Variants in RORA observed in about 807,000 individuals in gnomAD.
RORA encodes the protein nuclear receptor ROR-alpha.
RORA carries 7 observed loss-of-function variants against 69.5 expected under a neutral mutation model. The observed-to-expected ratio is 0.10, with a 90% CI of 0.06 to 0.19. The LOEUF (loss-of-function observed/expected upper bound fraction) is 0.19. Among genes scored for constraint, RORA ranks in the 10% least tolerant of loss-of-function variants. The pLI is 1.00. For missense variants in RORA, 457 were observed against 663.0 expected (o/e 0.69, Z 3.41); for synonymous variants, 261 against 240.8 (o/e 1.08, Z -0.78).
chr15:60,931,714 C>T (rs1182308652), intron 1 of RORA, among the ~76,000 whole-genome samples: 5 of 152,196 alleles, frequency 3.3e-5, no homozygotes, highest in Non-Finnish European at 7.3e-5. Flanking sequence ...ACCTCATAAG[C>T]AAATGTAAGG....
intron 2 of RORA, among the ~76,000 whole-genome samples, chr15:60,542,569 G>A (rs1410802886): frequency 4.1e-5 from 4 of 96,448 alleles, no homozygotes; most frequent in Admixed American, 2.1e-4. Context: ...TCACACACAC[G>A]GCACGCATGC....
intron 3 of RORA, among the ~76,000 whole-genome samples, chr15:60,521,280 T>A (rs993662751): frequency 6.7e-6 from 1 of 150,170 alleles, no homozygotes; most frequent in African/African-American, 2.5e-5. Flanking sequence ...TCTTGGTCCG[T>A]CACCAGGCTG....
chr15:60,766,266 G>A (rs747865162), intron 1 of RORA, among the ~76,000 whole-genome samples: 7 of 152,088 alleles, frequency 4.6e-5, no homozygotes, highest in Non-Finnish European at 7.4e-5. Flanking sequence ...ACTTGAGATC[G>A]TCAAAAGGCA....
intron 1 of RORA, among the ~76,000 whole-genome samples, chr15:60,694,393 C>G (rs910614479): frequency 1.3e-5 from 2 of 152,220 alleles, no homozygotes; most frequent in African/African-American, 4.8e-5. Flanking sequence ...AATTCTGGCT[C>G]AAGAGCTCCC....
At chr15:60,794,835 C>T (rs1310738148) in intron 1 of RORA, among the ~76,000 whole-genome samples, 2 of 152,164 alleles carry the variant, frequency 1.3e-5, no homozygotes, top group Non-Finnish European at 2.9e-5. Flanking sequence ...CTCATGCGCC[C>T]ATATCCTAGG....
At chr15:60,753,597 G>A (rs2071757989) in intron 1 of RORA, among the ~76,000 whole-genome samples, 1 of 152,214 alleles carries the variant, frequency 6.6e-6, no homozygotes, top group Non-Finnish European at 1.5e-5. Flanking sequence ...TGAGGAAATT[G>A]AGCCCAGATG....
rs189348070 is a variant in RORA, at chr15:60,625,933, T to C, written c.196+52724A>G. Among the ~76,000 whole-genome samples, 5 of 152,336 alleles carry C rather than the reference T, an allele frequency of 3.3e-5. No individual in the cohort carries two copies. The East Asian group carries it at 9.6e-4, about 29-fold the overall frequency. On this transcript the variant is annotated intron_variant, in intron 2 of 10. Transcript: ENST00000335670. ...TGCTAATGGTGTATGAAACCACTGA[T>C]TAAACAACAAAGTGAAAATATGAGC... is the stretch of plus-strand genomic sequence containing the variant.
At chr15:60,921,809 C>T (rs1308370184) in intron 1 of RORA, among the ~76,000 whole-genome samples, 1 of 152,224 alleles carries the variant, frequency 6.6e-6, no homozygotes, top group East Asian at 1.9e-4. Context: ...AACAGGGCTG[C>T]TGTGAGGATC....
At chr15:60,848,281 T>C (rs1250013252) in intron 1 of RORA, 1 of 152,226 alleles carries the variant, frequency 6.6e-6, no homozygotes, top group Non-Finnish European at 1.5e-5. Context: ...CTACCTTACA[T>C]GGCAAAAGAG....
At chr15:60,701,225 T>A (rs900612071) in intron 1 of RORA, among the ~76,000 whole-genome samples, 2 of 152,224 alleles carry the variant, frequency 1.3e-5, no homozygotes, top group Non-Finnish European at 2.9e-5. Flanking sequence ...TGCCATTGTG[T>A]CTGGCACATA....
At chr15:60,502,935 G>T in intron 7 of RORA, 68 bp from the exon 8 acceptor site, 1 of 1,032,014 alleles carries the variant, frequency 9.7e-7, no homozygotes, top group Non-Finnish European at 1.5e-6. Flanking sequence ...TTTCTAAGCT[G>T]CTCATGTAGA....
chr15:60,889,744 C>T (rs2073793910), intron 1 of RORA, among the ~76,000 whole-genome samples: 1 of 152,192 alleles, frequency 6.6e-6, no homozygotes, highest in Non-Finnish European at 1.5e-5. Context: ...CAGAACAACA[C>T]AGTTTCCACC....
chr15:60,516,189 ATATATATTTATATATATATTT>A (rs1567052375), intron 3 of RORA, among the ~76,000 whole-genome samples: 2 of 16,950 alleles, frequency 1.2e-4, no homozygotes, highest in African/African-American at 6.2e-4. Context: ...ATATATTTAT[ATATATATTTATATATATATTT>A]ATATATATAT....
chr15:60,984,763 G>A (rs529856864), intron 1 of RORA, among the ~76,000 whole-genome samples: 1 of 148,938 alleles, frequency 6.7e-6, no homozygotes, highest in Non-Finnish European at 1.5e-5. Context: ...TGTCTGTGAC[G>A]TTTAATAATA....
At position 60,558,298 on chromosome 15, in the gene RORA, A is replaced by T. The variant is rs200399670; in HGVS notation, c.197-26447T>A. Reference sequence around the variant, plus strand: ...ATGGAGTATTTGGAGAATCCCAAAAAGTTCATCCCTGGAACGAAAATGATA... The same window carrying T: ...ATGGAGTATTTGGAGAATCCCAAAATGTTCATCCCTGGAACGAAAATGATA... On this transcript the variant is annotated intron_variant, in intron 2 of 10. Coordinates refer to ENST00000335670, the MANE Select transcript of RORA (RefSeq NM_134261.3). The T allele has an allele frequency of 2.2e-4, 351 of 1,611,968 alleles. 4 individuals are homozygous for T. The South Asian group carries it at 3.6e-3, about 17-fold the overall frequency.
chr15:60,503,129 A>G (rs922387350), intron 7 of RORA, among the ~76,000 whole-genome samples: 11 of 152,178 alleles, frequency 7.2e-5, no homozygotes, highest in African/African-American at 2.7e-4. Context: ...GCACTCTTCT[A>G]CCTCGCAATG....
chr15:61,155,881 C>T (rs554225589), intron 1 of RORA, among the ~76,000 whole-genome samples: 1 of 152,218 alleles, frequency 6.6e-6, no homozygotes, highest in African/African-American at 2.4e-5. Context: ...GGAAGGAGAC[C>T]CCGCGTTTCA....
intron 1 of RORA, among the ~76,000 whole-genome samples, chr15:60,707,511 C>G (rs1299520274): frequency 1.3e-5 from 2 of 151,962 alleles, no homozygotes; most frequent in East Asian, 3.9e-4. Context: ...CTACAGGTGC[C>G]CGCCACCACG....
chr15:60,569,596 G>A (rs1454044492), intron 2 of RORA, among the ~76,000 whole-genome samples: 1 of 152,024 alleles, frequency 6.6e-6, no homozygotes, highest in East Asian at 1.9e-4. Context: ...GGGGAAACAG[G>A]GCAACAGCAA....
Sources: gnomAD v4.1 joint callset for allele counts (sites outside exome capture counted in the v4.1 genomes callset) on GRCh38, gnomAD v4.1.1 for gene constraint, MANE v1.5 for transcripts, NCBI Gene and HGNC (gene_info 2026-07-23, HGNC 2026-07-21) for gene names.